EPM2A: variants seen among roughly 807,000 people sequenced by gnomAD.
The protein encoded by EPM2A is laforin.
A neutral mutation model predicts 26.5 loss-of-function variants in EPM2A; 21 were observed. That is an observed-to-expected ratio of 0.79 (90% CI 0.56 to 1.14). The LOEUF is 1.14. EPM2A is among the 50% of genes most tolerant of loss of function. EPM2A has a pLI of 0.00. For missense variants in EPM2A, 458 were observed against 440.8 expected, an observed-to-expected ratio of 1.04 and a Z score of -0.35; for synonymous variants, 217 against 177.6, an observed-to-expected ratio of 1.22 and a Z score of -1.76.
intron 2 of EPM2A, among the ~76,000 whole-genome samples, chr6:145,574,459 A>G (rs1002137343): frequency 2.0e-5 from 3 of 152,150 alleles, no homozygotes; most frequent in African/African-American, 7.2e-5. Context: ...TCAATTTTGT[A>G]GTTGAGTGAC....
chr6:145,710,051 G>T (rs571796871), intron 1 of EPM2A, among the ~76,000 whole-genome samples: 213 of 152,144 alleles, frequency 1.4e-3, no homozygotes, highest in African/African-American at 4.2e-3. Flanking sequence ...CAGGACATAG[G>T]CATGGGCAAG....
At chr6:145,419,189 C>CCCG (rs1366431266) in intron 4 of EPM2A, among the ~76,000 whole-genome samples, 1 of 150,276 alleles carries the variant, frequency 6.7e-6, no homozygotes, top group Non-Finnish European at 1.5e-5. Context: ...GTCCCCCCCC[C>CCCG]CCGCTCCTTT....
At chr6:145,692,736 A>C (rs1781353236) in intron 1 of EPM2A, among the ~76,000 whole-genome samples, 1 of 151,764 alleles carries the variant, frequency 6.6e-6, no homozygotes, top group South Asian at 2.1e-4. Context: ...GGTGTCTGGC[A>C]TTATTTCTGG....
At chr6:145,440,403 G>C (rs1357051424) in intron 4 of EPM2A, among the ~76,000 whole-genome samples, 1 of 152,134 alleles carries the variant, frequency 6.6e-6, no homozygotes, top group Non-Finnish European at 1.5e-5. Flanking sequence ...GATTTAGGTG[G>C]TGACACTGCC....
intron 4 of EPM2A, among the ~76,000 whole-genome samples, chr6:145,450,662 C>A (rs1779185297): frequency 6.6e-6 from 1 of 152,186 alleles, no homozygotes; most frequent in Admixed American, 6.5e-5. Flanking sequence ...CCTCTTCTCT[C>A]CTGTGCTCTG....
chr6:145,505,896 C>G (rs1779966116), intron 2 of EPM2A, among the ~76,000 whole-genome samples: 1 of 152,174 alleles, frequency 6.6e-6, no homozygotes, highest in South Asian at 2.1e-4. Context: ...ACATTTTAAA[C>G]TATTTATCAC....
intron 1 of EPM2A, among the ~76,000 whole-genome samples, chr6:145,725,974 A>T (rs1206500593): frequency 6.6e-6 from 1 of 152,066 alleles, no homozygotes; most frequent in Admixed American, 6.6e-5. Context: ...AAGCAACAAT[A>T]TCCCAGAAGG....
chr6:145,499,096 A>C (rs558760157), downstream of EPM2A, among the ~76,000 whole-genome samples: 1 of 152,298 alleles, frequency 6.6e-6, no homozygotes, highest in South Asian at 2.1e-4. Context: ...AACTTTTAAA[A>C]ATACAAATCT....
At chr6:145,717,722 T>C (rs1436626245) in intron 1 of EPM2A, among the ~76,000 whole-genome samples, 8 of 149,182 alleles carry the variant, frequency 5.4e-5, no homozygotes, top group African/African-American at 1.2e-4. Flanking sequence ...GAAAACACCA[T>C]TGTCTCAGCC....
intron 4 of EPM2A, among the ~76,000 whole-genome samples, chr6:145,423,565 G>A (rs1051901905): frequency 3.3e-5 from 5 of 152,174 alleles, no homozygotes; most frequent in Non-Finnish European, 7.3e-5. Flanking sequence ...CACACATTTG[G>A]TTGCAAACTT....
At chr6:145,521,976 G>A (rs1222804213) in intron 2 of EPM2A, among the ~76,000 whole-genome samples, 6 of 152,058 alleles carry the variant, frequency 3.9e-5, no homozygotes, top group Non-Finnish European at 8.8e-5. Flanking sequence ...TGTTTGAGAC[G>A]GAGTCTCCCT....
chr6:145,402,676 T>G (rs1778506415), intron 4 of EPM2A, among the ~76,000 whole-genome samples: 1 of 152,112 alleles, frequency 6.6e-6, no homozygotes, highest in Admixed American at 6.6e-5. Flanking sequence ...GAAAAATAAT[T>G]TGGTGTAGAC....
At chr6:145,547,610 T>C (rs1392301234) in intron 2 of EPM2A, among the ~76,000 whole-genome samples, 1 of 152,176 alleles carries the variant, frequency 6.6e-6, no homozygotes, top group Non-Finnish European at 1.5e-5. Flanking sequence ...GAATAATATA[T>C]ACCTTGTAAA....
At chr6:145,383,817 C>T (rs1778222788) in exon 5 of EPM2A, 1 of 152,158 alleles carries the variant, frequency 6.6e-6, no homozygotes, top group African/African-American at 2.4e-5. Context: ...AACATAGAAA[C>T]ATATGAATAC....
chr6:145,555,064 A>G lies in EPM2A; in HGVS notation c.341-52489T>C, dbSNP rs374198022. On this transcript the variant is annotated intron_variant, in intron 2 of 3. Transcript: ENST00000450221. ...ATCAACTTATCACCATAGCCTAGCT[A>G]AGTTGACACATAAAATTAATGATCA... Among the ~76,000 whole-genome samples, 68 of 152,164 alleles carry G rather than the reference A, an allele frequency of 4.5e-4. 1 individual carries two copies. Among genetic ancestry groups the G allele is most frequent in the African/African-American group, 1.6e-3 (68 of 41,458 alleles).
intron 4 of EPM2A, among the ~76,000 whole-genome samples, chr6:145,473,807 A>G (rs939512520): frequency 3.3e-5 from 5 of 152,148 alleles, no homozygotes; most frequent in Non-Finnish European, 7.4e-5. Flanking sequence ...GAATAATATA[A>G]CTGGTGAAAA....
intron 4 of EPM2A, chr6:145,490,152 C>A (rs1779736565): frequency 9.3e-7 from 1 of 1,071,118 alleles, no homozygotes; most frequent in East Asian, 2.4e-5. Flanking sequence ...CACGTTTCTA[C>A]TGAAAGAACT....
intron 1 of EPM2A, chr6:145,734,447 G>A (rs540085265): frequency 2.6e-5 from 4 of 151,908 alleles, no homozygotes; most frequent in Admixed American, 6.5e-5. Context: ...TTTTCACTAT[G>A]TACATTTCTT....
At chr6:145,426,401 C>G (rs780097492) in intron 4 of EPM2A, among the ~76,000 whole-genome samples, 1 of 152,178 alleles carries the variant, frequency 6.6e-6, no homozygotes, top group African/African-American at 2.4e-5. Flanking sequence ...ATAATTTCCA[C>G]CATCGATATT....
Sources: allele counts gnomAD v4.1 joint callset (sites outside exome capture counted in the v4.1 genomes callset), GRCh38; gene constraint gnomAD v4.1.1; transcripts MANE v1.5; gene names NCBI Gene and HGNC (gene_info 2026-07-23, HGNC 2026-07-21).